The following AS3MT variants were observed in gnomAD, a reference collection of about 807,000 sequenced individuals.
AS3MT encodes arsenite methyltransferase.
In AS3MT, 47 loss-of-function variants were observed where a neutral mutation model predicts 45.3. The observed-to-expected ratio is 1.04, with a 90% CI of 0.82 to 1.32. The LOEUF is 1.32. Ranked by LOEUF, AS3MT falls within the 40% of genes most tolerant of loss-of-function variation. AS3MT has a pLI of 0.00. For synonymous variants in AS3MT, 141 were observed against 152.8 expected, an observed-to-expected ratio of 0.92 and a Z score of 0.57; for missense variants, 396 against 451.1, an observed-to-expected ratio of 0.88 and a Z score of 1.11.
intron 8 of AS3MT, 55 bp downstream of exon 8, chr10:102,878,565 TGTG>T: frequency 6.3e-7 from 1 of 1,590,696 alleles, no homozygotes; most frequent in Non-Finnish European, 8.6e-7. Flanking sequence ...ATGATTGAAA[TGTG>T]GTGATTAGTA....
At chr10:102,886,051 GTCT>G (rs1844949094) in intron 9 of AS3MT, among the ~76,000 whole-genome samples, 1 of 151,878 alleles carries the variant, frequency 6.6e-6, no homozygotes, top group Non-Finnish European at 1.5e-5. Flanking sequence ...ATCTGTTTGA[GTCT>G]TCTTTTTTTC....
At position 102,900,677 on chromosome 10, in the gene AS3MT, T is replaced by C. The variant is rs763227721; in HGVS notation, c.1105T>C (p.Cys369Arg). 3.7e-6 allele frequency: 6 copies of C among 1,614,132 alleles called. No homozygotes were observed. The highest frequency in any genetic ancestry group is 5.1e-6 in the Non-Finnish European group (6 of 1,179,972). The change falls in exon 11 of 11, where the codon TGT becomes CGT. Residue 369 changes from cysteine (C) to arginine (R), a missense_variant. Physicochemically the swap from Cys to Arg is radical, Grantham distance 180. Transcript: ENST00000369880. ...RCVPDAAGGC[C>R]GTKKSC ...TGTCCCTGATGCTGCTGGAGGCTGC[T>C]GTGGCACAAAGAAAAGCTGCTAAAT...
At chr10:102,886,650 G>A (rs1590225873) in intron 9 of AS3MT, among the ~76,000 whole-genome samples, 1 of 151,550 alleles carries the variant, frequency 6.6e-6, no homozygotes, top group Non-Finnish European at 1.5e-5. Flanking sequence ...CTTTCTCAGG[G>A]TCTCACTCTG....
chr10:102,873,271 T>G, intron 5 of AS3MT, 38 bp downstream of exon 5: 1 of 1,403,656 alleles, frequency 7.1e-7, no homozygotes, highest in Non-Finnish European at 9.4e-7. Context: ...TATAGCCCAT[T>G]TTCTTTATTA....
rs899147211 is a variant in AS3MT, at chr10:102,901,536, C to T, written c.*836C>T. The T allele has an allele frequency of 6.6e-6, 1 of 152,132 alleles. No homozygotes were observed. The highest frequency in any genetic ancestry group is 2.4e-5 in the African/African-American group (1 of 41,420). 9.4% of individuals were successfully genotyped at this position (152,132 alleles called of 1,614,324 possible). A position where few individuals can be genotyped will look rare whatever the true frequency, so the allele number is the denominator to read the frequency against. ...AGAGGCATTGATTAAAGATTCACAG[C>T]AAATCACTAGTTAAGCAGATTTTTT... On this transcript the variant is annotated 3_prime_UTR_variant, in exon 11 of 11. Coordinates refer to ENST00000369880, the MANE Select transcript of AS3MT (RefSeq NM_020682.4).
intron 6 of AS3MT, among the ~76,000 whole-genome samples, chr10:102,874,865 A>T (rs913193035): frequency 6.6e-6 from 1 of 152,218 alleles, no homozygotes; most frequent in Non-Finnish European, 1.5e-5. Context: ...AGTAAATCCG[A>T]GGTGACAGTT....
Position 102,900,831 on chromosome 10 carries a change from C to G in AS3MT, c.*131C>G. 1 of 672,886 alleles carries G rather than the reference C, an allele frequency of 1.5e-6. No homozygotes were observed. The highest frequency in any genetic ancestry group is 2.5e-6 in the Non-Finnish European group (1 of 399,034). The allele number at this position is 672,886 out of a possible 1,614,324, so 41.7% of individuals were successfully genotyped here. On this transcript the variant is annotated 3_prime_UTR_variant, in exon 11 of 11. Coordinates refer to ENST00000369880, the MANE Select transcript of AS3MT (RefSeq NM_020682.4). ...GGGCACAGTGGCTCATGCCTATAATCCCAGCACTTTGGGAGGCCGAGGCAG... is the reference window on the plus strand; with the variant it reads ...GGGCACAGTGGCTCATGCCTATAATGCCAGCACTTTGGGAGGCCGAGGCAG...
At chr10:102,898,464 C>T (rs111387504) in intron 10 of AS3MT, among the ~76,000 whole-genome samples, 2,840 of 152,046 alleles carry the variant, frequency 0.019, 97 homozygotes, top group African/African-American at 0.065. Flanking sequence ...GGTGTGGTGG[C>T]GGGTGCCTGT....
intron 9 of AS3MT, chr10:102,888,293 T>C (rs1196469609): frequency 6.6e-6 from 1 of 152,246 alleles, no homozygotes; most frequent in African/African-American, 2.4e-5. Flanking sequence ...TTAACATTTT[T>C]TTAAATTGAT....
At chr10:102,883,362 A>T (rs1844897601) in intron 9 of AS3MT, among the ~76,000 whole-genome samples, 1 of 151,580 alleles carries the variant, frequency 6.6e-6, no homozygotes, top group South Asian at 2.1e-4. Flanking sequence ...CGGCCTCCCA[A>T]AGTACTAGGA....
chr10:102,874,652 G>A lies in AS3MT; in HGVS notation c.519G>A (p.Arg173=). ...DKQQVLQEAY[R]VLKHGGELYF... Reference sequence around the variant, plus strand: ...AACAAGTGCTTCAGGAGGCATATCGGGTGCTGAAGGTGAGGAGGAGAGTGA... The same window carrying A: ...AACAAGTGCTTCAGGAGGCATATCGAGTGCTGAAGGTGAGGAGGAGAGTGA... The change falls in exon 6 of 11, where the codon CGG becomes CGA. Residue 173 remains arginine, a synonymous_variant. Transcript: ENST00000369880. 6.2e-7 allele frequency: 1 copy of A among 1,607,244 alleles called. No homozygotes were observed.
intron 4 of AS3MT, 106 bp downstream of exon 4, chr10:102,872,704 C>A: frequency 7.9e-7 from 1 of 1,270,132 alleles, no homozygotes; most frequent in Non-Finnish European, 1.1e-6. Context: ...AAGAAAGCTT[C>A]TAGTTAGCAA....
At chr10:102,882,236 G>T (rs1844876543) in intron 9 of AS3MT, among the ~76,000 whole-genome samples, 1 of 151,864 alleles carries the variant, frequency 6.6e-6, no homozygotes, top group African/African-American at 2.4e-5. Flanking sequence ...ACCACTCCCG[G>T]CCAAGACAGG....
intron 10 of AS3MT, among the ~76,000 whole-genome samples, chr10:102,894,435 A>AT (rs1447340746): frequency 7.7e-4 from 103 of 133,064 alleles, no homozygotes; most frequent in African/African-American, 2.6e-3. Flanking sequence ...AAAATAAAAA[A>AT]AAATAAAAAA....
chr10:102,873,946 C>T (rs1047438287), intron 5 of AS3MT, among the ~76,000 whole-genome samples: 6 of 152,120 alleles, frequency 3.9e-5, no homozygotes, highest in Non-Finnish European at 5.9e-5. Context: ...AGCCTGTTTA[C>T]GTGAAGCATA....
chr10:102,878,659 C>T lies in AS3MT; in HGVS notation c.742+149C>T, dbSNP rs558172421. The T allele has an allele frequency of 1.4e-5, 19 of 1,335,242 alleles. No homozygotes were observed. The East Asian group carries it at 4.4e-4, about 31-fold the overall frequency. 82.7% of individuals were successfully genotyped at this position (1,335,242 alleles called of 1,614,324 possible). The stretch of plus-strand genomic sequence containing the variant: ...ATCTTGCCTCCTGTACAATGGTAAC[C>T]CCCCAAAAATTTTGATATTTAATAA... On this transcript the variant is annotated intron_variant, in intron 8 of 10. Transcript: ENST00000369880.
At chr10:102,892,274 G>A (rs1202700832) in intron 10 of AS3MT, among the ~76,000 whole-genome samples, 1 of 152,068 alleles carries the variant, frequency 6.6e-6, no homozygotes, top group African/African-American at 2.4e-5. Flanking sequence ...ATATTCTAAG[G>A]TTAGAGAATC....
rs138171906 is a variant in AS3MT at position 102,870,570 on chromosome 10, TA to T, written c.170+367del. Among the ~76,000 whole-genome samples the T allele has an allele frequency of 9.0e-3, 1,366 of 151,876 alleles. 20 individuals are homozygous for T. The highest frequency in any genetic ancestry group is 0.031 in the African/African-American group (1,298 of 41,420). On this transcript the variant is annotated intron_variant, in intron 3 of 10. Transcript: ENST00000369880. The stretch of plus-strand genomic sequence containing the variant: ...AAATGCGTACTTTAAAAAAATTGCC[TA>T]AAAAAAAGAACCTCCAGCGTGAACA...
intron 9 of AS3MT, among the ~76,000 whole-genome samples, chr10:102,885,475 C>T (rs1387800146): frequency 1.5e-5 from 2 of 131,234 alleles, no homozygotes; most frequent in Admixed American, 8.3e-5. Flanking sequence ...ACTACAGGCG[C>T]GTGCCACCAC....
Sources: allele counts gnomAD v4.1 joint callset (sites outside exome capture counted in the v4.1 genomes callset), GRCh38; gene constraint gnomAD v4.1.1; transcripts MANE v1.5; gene names NCBI Gene and HGNC (gene_info 2026-07-23, HGNC 2026-07-21).